TMED10: variants seen among roughly 807,000 people sequenced by gnomAD.
TMED10 encodes transmembrane emp24 domain-containing protein 10.
In TMED10, 7 loss-of-function variants were observed where a neutral mutation model predicts 23.1. That is an observed-to-expected ratio of 0.30 (90% CI 0.17 to 0.57). The LOEUF (loss-of-function observed/expected upper bound fraction) is 0.57. TMED10 is among the 20% of genes least tolerant of loss of function. The pLI, the probability that TMED10 is intolerant of heterozygous loss-of-function variation, is 0.91. For missense variants in TMED10, 162 were observed against 274.8 expected (o/e 0.59, Z 2.90); for synonymous variants, 113 against 106.9 (o/e 1.06, Z -0.35).
At chr14:75,135,182 A>T (rs1326312702) in intron 4 of TMED10, among the ~76,000 whole-genome samples, 176 bp from the exon 5 acceptor site, 1 of 151,672 alleles carries the variant, frequency 6.6e-6, no homozygotes, top group East Asian at 1.9e-4. Context: ...GGCATGGTGT[A>T]ATCCCAGCCT....
rs1459902917 is a variant in TMED10, at chr14:75,133,214, T to C, written c.*1671A>G. 2 of 152,214 alleles carry C rather than the reference T, an allele frequency of 1.3e-5. No homozygotes were observed. The highest frequency in any genetic ancestry group is 1.5e-5 in the Non-Finnish European group (1 of 68,036). The allele number at this position is 152,214 out of a possible 1,614,324, so 9.4% of individuals were successfully genotyped here. A position where few individuals can be genotyped will look rare whatever the true frequency, so the allele number is the denominator to read the frequency against. On this transcript the variant is annotated 3_prime_UTR_variant, in exon 5 of 5. Coordinates refer to ENST00000303575, the MANE Select transcript of TMED10 (RefSeq NM_006827.6). The stretch of plus-strand genomic sequence containing the variant: ...ACTTATTTTTCCTTGGTAGAAGTTA[T>C]GTTAAAAATTCAAGCAACCACATAT...
At chr14:75,135,993 C>G in intron 3 of TMED10, 107 bp from the exon 4 acceptor site, 1 of 1,459,196 alleles carries the variant, frequency 6.9e-7, no homozygotes, top group Admixed American at 2.3e-5. Context: ...GATTTAAATT[C>G]TCTCCTATCA....
intron 4 of TMED10, among the ~76,000 whole-genome samples, 192 bp from the exon 5 acceptor site, chr14:75,135,198 C>T (rs991296980): frequency 6.6e-6 from 1 of 152,192 alleles, no homozygotes; most frequent in East Asian, 1.9e-4. Context: ...AGCCTGTAAT[C>T]CCAGCACTCT....
chr14:75,167,385 CCT>C (rs1300759178), intron 1 of TMED10, among the ~76,000 whole-genome samples: 2 of 152,018 alleles, frequency 1.3e-5, no homozygotes, highest in East Asian at 3.8e-4. Flanking sequence ...TCCTCCCTCC[CCT>C]GCCTCTTCGC....
At chr14:75,161,234 T>C (rs912316911) in intron 1 of TMED10, among the ~76,000 whole-genome samples, 1 of 152,164 alleles carries the variant, frequency 6.6e-6, no homozygotes, top group African/African-American at 2.4e-5. Flanking sequence ...GAGCAGGTCC[T>C]GCCACTGAAG....
rs928155728 is a variant in TMED10, at chr14:75,159,540, A to G, written c.226-7397T>C. ...TTGCCCAACCACCTTATTTCCTGGA[A>G]GAAGAGATTATAATCTCTTAATTTT... On this transcript the variant is annotated intron_variant, in intron 1 of 4. Coordinates refer to ENST00000303575, the MANE Select transcript of TMED10 (RefSeq NM_006827.6). 2.6e-5 allele frequency among the ~76,000 whole-genome samples: 4 copies of G among 152,222 alleles called. No individual in the cohort carries two copies. The South Asian group carries it at 8.3e-4, about 32-fold the overall frequency.
At chr14:75,176,172 C>A (rs1315322125) in intron 1 of TMED10, 183 bp downstream of exon 1, 2 of 713,082 alleles carry the variant, frequency 2.8e-6, no homozygotes, top group Admixed American at 5.9e-5. Context: ...CGTTGGTGAC[C>A]CGCCCCGCCC....
At chr14:75,152,178 A>G in intron 1 of TMED10, 35 bp from the exon 2 acceptor site, 3 of 1,546,396 alleles carry the variant, frequency 1.9e-6, no homozygotes, top group South Asian at 1.1e-5. Context: ...TAGGCAGCAA[A>G]TAACACTCAG....
At chr14:75,141,597 A>G (rs144907910) in intron 3 of TMED10, among the ~76,000 whole-genome samples, 229 of 152,324 alleles carry the variant, frequency 1.5e-3, no homozygotes, top group African/African-American at 5.3e-3. Context: ...CAGATGAGGA[A>G]ACTAAGGCTC....
intron 4 of TMED10, among the ~76,000 whole-genome samples, chr14:75,135,448 GTAAA>G (rs1354910855): frequency 6.6e-6 from 1 of 152,048 alleles, no homozygotes; most frequent in African/African-American, 2.4e-5. Flanking sequence ...TCAAAAATAA[GTAAA>G]TAAATAAAAA....
At chr14:75,148,543 C>A (rs175432) in intron 2 of TMED10, among the ~76,000 whole-genome samples, 1 of 151,922 alleles carries the variant, frequency 6.6e-6, no homozygotes, top group South Asian at 2.1e-4. Context: ...GGAAAAGACC[C>A]AAGGAGCCCC....
intron 1 of TMED10, among the ~76,000 whole-genome samples, chr14:75,167,981 A>C (rs1449473248): frequency 6.6e-6 from 1 of 152,182 alleles, no homozygotes; most frequent in East Asian, 1.9e-4. Context: ...ACCTGACACT[A>C]GTTAGCCTGA....
intron 1 of TMED10, among the ~76,000 whole-genome samples, chr14:75,157,973 T>C (rs1378209143): frequency 1.3e-5 from 2 of 150,942 alleles, no homozygotes. Context: ...AAATAAATAG[T>C]GTTACGTGGA....
chr14:75,149,832 C>T (rs1301563509), intron 2 of TMED10, among the ~76,000 whole-genome samples: 2 of 104,686 alleles, frequency 1.9e-5, no homozygotes, highest in Non-Finnish European at 4.4e-5. Flanking sequence ...GGGATGGGCA[C>T]GGTGGCTCAT....
chr14:75,165,402 AT>A (rs1423046711), intron 1 of TMED10, among the ~76,000 whole-genome samples: 1 of 151,898 alleles, frequency 6.6e-6, no homozygotes, highest in Non-Finnish European at 1.5e-5. Context: ...TAATTTTTGT[AT>A]TTTTAGTAGA....
At chr14:75,163,451 G>A (rs1896109286) in intron 1 of TMED10, among the ~76,000 whole-genome samples, 1 of 149,918 alleles carries the variant, frequency 6.7e-6, no homozygotes, top group Non-Finnish European at 1.5e-5. Context: ...TACTCAGGCA[G>A]CTGAGGCAGC....
intron 3 of TMED10, among the ~76,000 whole-genome samples, chr14:75,138,037 T>C (rs1566668743): frequency 6.6e-6 from 1 of 152,200 alleles, no homozygotes; most frequent in Non-Finnish European, 1.5e-5. Flanking sequence ...TATCTGCTTC[T>C]TTACTCCCTA....
intron 1 of TMED10, among the ~76,000 whole-genome samples, chr14:75,156,932 A>AAAAG (rs1183329184): frequency 6.6e-6 from 1 of 151,518 alleles, no homozygotes; most frequent in Non-Finnish European, 1.5e-5. Flanking sequence ...AAAAGAAAAG[A>AAAAG]AAAGAAAAGA....
At chr14:75,176,191 G>T in intron 1 of TMED10, 164 bp downstream of exon 1, 1 of 831,338 alleles carries the variant, frequency 1.2e-6, no homozygotes, top group Non-Finnish European at 1.8e-6. Flanking sequence ...CCCGCGACAG[G>T]CAACCAGCGG....
Sources: allele counts gnomAD v4.1 joint callset (sites outside exome capture counted in the v4.1 genomes callset), GRCh38; gene constraint gnomAD v4.1.1; transcripts MANE v1.5; gene names NCBI Gene and HGNC (gene_info 2026-07-23, HGNC 2026-07-21).